The following ADCY2 variants were observed in gnomAD, a reference collection of about 807,000 sequenced individuals.
The protein encoded by ADCY2 is adenylate cyclase type 2.
A neutral mutation model predicts 125.2 loss-of-function variants in ADCY2; 31 were observed. The observed-to-expected ratio is 0.25, with a 90% CI of 0.19 to 0.33. The LOEUF is 0.33. ADCY2 is among the 10% of genes least tolerant of loss of function. The pLI, the probability that ADCY2 is intolerant of heterozygous loss-of-function variation, is 1.00. For synonymous variants in ADCY2, 512 were observed against 548.4 expected (o/e 0.93, Z 0.93); for missense variants, 904 against 1,418.2 (o/e 0.64, Z 5.82).
At position 7,396,513 on chromosome 5, in the gene ADCY2, G is replaced by C. The variant is rs1271388160; in HGVS notation, c.210+7G>C. 1.9e-6 allele frequency: 3 copies of C among 1,556,504 alleles called. No homozygotes were observed. The East Asian group carries it at 7.8e-5, about 41-fold the overall frequency. ...CTTCTTCGCGCTCGGGCTGGTGAGT[G>C]GCCTCCCCGCGGGTCCAGCGCCGCG... On this transcript the variant is annotated splice_region_variant and intron_variant, in intron 1 of 24. Transcript: ENST00000338316. This position sits in a 1 kb window ranked among gnomAD's most constrained non-coding sequence, Gnocchi z 5.7.
chr5:7,523,869 C>T (rs1345444573), intron 3 of ADCY2, among the ~76,000 whole-genome samples: 1 of 152,212 alleles, frequency 6.6e-6, no homozygotes, highest in African/African-American at 2.4e-5. Context: ...CAATATCACC[C>T]TGCCTTCTAA....
At chr5:7,411,190 GTC>G (rs1243424661) in intron 1 of ADCY2, among the ~76,000 whole-genome samples, 1 of 152,192 alleles carries the variant, frequency 6.6e-6, no homozygotes, top group East Asian at 1.9e-4. Context: ...TCCTTGAAGA[GTC>G]TCTGTTTTTC....
intron 15 of ADCY2, among the ~76,000 whole-genome samples, chr5:7,751,484 C>T (rs1234147156): frequency 1.3e-5 from 2 of 152,174 alleles, no homozygotes; most frequent in African/African-American, 4.8e-5. Context: ...CCAGCAGTGT[C>T]ATTCTTGCTT....
chr5:7,548,857 G>A (rs1292617923), intron 3 of ADCY2, among the ~76,000 whole-genome samples: 2 of 152,150 alleles, frequency 1.3e-5, no homozygotes, highest in Admixed American at 6.5e-5. Flanking sequence ...AAATAAACAT[G>A]CAACCATAAT....
intron 3 of ADCY2, among the ~76,000 whole-genome samples, chr5:7,540,272 G>A (rs1226577134): frequency 6.6e-6 from 1 of 150,976 alleles, no homozygotes; most frequent in Non-Finnish European, 1.5e-5. Context: ...AAACCCGCAT[G>A]GCCCATGTTT....
At chr5:7,626,133 T>A in intron 3 of ADCY2, 34 bp from the exon 4 acceptor site, 1 of 1,593,782 alleles carries the variant, frequency 6.3e-7, no homozygotes, top group Non-Finnish European at 8.5e-7. Flanking sequence ...TGAGAAACAG[T>A]TACCCTATTG....
intron 3 of ADCY2, among the ~76,000 whole-genome samples, chr5:7,564,483 G>A (rs2126592146): frequency 6.6e-6 from 1 of 152,190 alleles, no homozygotes; most frequent in African/African-American, 2.4e-5. Context: ...CTCACAGGAG[G>A]CCTGGGAGGC....
In ADCY2 at chr5:7,802,720, T is replaced by C. The variant is rs1744636181; in HGVS notation, c.2775+356T>C. On this transcript the variant is annotated intron_variant, in intron 21 of 24. Coordinates refer to ENST00000338316, the MANE Select transcript of ADCY2 (RefSeq NM_020546.3). The surrounding 1 kb of genome is among the most constrained non-coding windows in gnomAD (Gnocchi z 4.6). ...TGAATTATAATAGACTATTGGTGTG[T>C]CTGTGCCTACTTCAATGCCTTTGTC... is the stretch of plus-strand genomic sequence containing the variant. Among the ~76,000 whole-genome samples, 1 of 152,344 alleles carries C rather than the reference T, an allele frequency of 6.6e-6. No homozygotes were observed. The highest frequency in any genetic ancestry group is 2.4e-5 in the African/African-American group (1 of 41,576).
chr5:7,486,368 T>C (rs758853921), intron 2 of ADCY2, among the ~76,000 whole-genome samples: 6 of 152,238 alleles, frequency 3.9e-5, no homozygotes, highest in Non-Finnish European at 8.8e-5. Context: ...AGTTGAGTCT[T>C]CTGGCACATC....
intron 4 of ADCY2, among the ~76,000 whole-genome samples, chr5:7,647,916 G>A (rs1236547032): frequency 6.6e-6 from 1 of 152,132 alleles, no homozygotes; most frequent in Non-Finnish European, 1.5e-5. Context: ...ACAAATAAGC[G>A]GACCTTCTCC....
intron 20 of ADCY2, chr5:7,793,867 C>A (rs558120984): frequency 1.3e-5 from 2 of 151,770 alleles, no homozygotes; most frequent in African/African-American, 4.8e-5. Context: ...TTCCTTCATT[C>A]GGGAAACACG....
intron 1 of ADCY2, among the ~76,000 whole-genome samples, chr5:7,405,527 T>C (rs1739450100): frequency 6.6e-6 from 1 of 152,172 alleles, no homozygotes; most frequent in African/African-American, 2.4e-5. Context: ...GGCTGTCTCC[T>C]CTCATTTAGC....
At chr5:7,514,663 A>G (rs373546027) in intron 2 of ADCY2, among the ~76,000 whole-genome samples, 1 of 152,190 alleles carries the variant, frequency 6.6e-6, no homozygotes, top group Non-Finnish European at 1.5e-5. Context: ...GTCATACTGG[A>G]TTTAGGATCA....
At chr5:7,649,926 C>T (rs1191129529) in intron 4 of ADCY2, among the ~76,000 whole-genome samples, 2 of 152,178 alleles carry the variant, frequency 1.3e-5, no homozygotes, top group African/African-American at 2.4e-5. Context: ...TTTTTCCTCT[C>T]ACTCCTCGTA....
intron 2 of ADCY2, among the ~76,000 whole-genome samples, chr5:7,487,115 T>C (rs1742962909): frequency 2.0e-5 from 3 of 152,238 alleles, no homozygotes; most frequent in Admixed American, 6.5e-5. Context: ...ATGTGTGTGA[T>C]TGCTTGGCCT....
intron 15 of ADCY2, among the ~76,000 whole-genome samples, chr5:7,752,570 T>A (rs1040257839): frequency 1.3e-5 from 2 of 152,124 alleles, no homozygotes; most frequent in African/African-American, 4.8e-5. Flanking sequence ...CTAATGAAAC[T>A]GTAAATGAAG....
chr5:7,442,021 AT>A, intron 2 of ADCY2, among the ~76,000 whole-genome samples: 1 of 152,242 alleles, frequency 6.6e-6, no homozygotes, highest in South Asian at 2.1e-4. Context: ...TATTGATTCT[AT>A]TTCTGTGATA....
At chr5:7,756,320 C>T (rs893394243) in intron 15 of ADCY2, among the ~76,000 whole-genome samples, 2 of 152,152 alleles carry the variant, frequency 1.3e-5, no homozygotes, top group African/African-American at 2.4e-5. Context: ...GAATGGGGAG[C>T]AAATGCTGGC....
At chr5:7,454,066 C>A (rs547631477) in intron 2 of ADCY2, among the ~76,000 whole-genome samples, 1 of 152,272 alleles carries the variant, frequency 6.6e-6, no homozygotes, top group East Asian at 1.9e-4. Flanking sequence ...TTAACAACTG[C>A]CTGAACATCA....
Sources: allele counts gnomAD v4.1 joint callset (sites outside exome capture counted in the v4.1 genomes callset), GRCh38; gene constraint gnomAD v4.1.1; non-coding constraint Gnocchi (gnomAD v3.1); transcripts MANE v1.5; gene names NCBI Gene and HGNC (gene_info 2026-07-23, HGNC 2026-07-21).